Variants in KIAA0232 observed in about 807,000 individuals in gnomAD.
KIAA0232 encodes uncharacterized protein KIAA0232.
Under a neutral mutation model 122.0 loss-of-function variants are expected in KIAA0232, and 27 were observed. That is an observed-to-expected ratio of 0.22 (90% confidence interval 0.16 to 0.31). The LOEUF (loss-of-function observed/expected upper bound fraction) is 0.31. Ranked by LOEUF, KIAA0232 falls within the 10% of genes least tolerant of loss-of-function variation. KIAA0232 has a pLI of 1.00. For synonymous variants in KIAA0232, 613 were observed against 587.6 expected (o/e 1.04, Z -0.63); for missense variants, 1,551 against 1,634.2 (o/e 0.95, Z 0.88).
intron 1 of KIAA0232, among the ~76,000 whole-genome samples, chr4:6,799,753 G>T (rs569012816): frequency 1.1e-4 from 16 of 152,070 alleles, no homozygotes; most frequent in Non-Finnish European, 1.8e-4. Flanking sequence ...GGAGTGAAGT[G>T]GCACAATCTC....
chr4:6,793,306 A>G (rs1716988352), intron 1 of KIAA0232, among the ~76,000 whole-genome samples: 1 of 152,246 alleles, frequency 6.6e-6, no homozygotes, highest in Admixed American at 6.5e-5. Context: ...ACACAGAGTC[A>G]GTATGTATTT....
In KIAA0232 at chr4:6,858,413, G is replaced by A. The variant is rs747687999; in HGVS notation, c.437-12G>A. 5.2e-6 allele frequency: 8 copies of A among 1,533,860 alleles called. No homozygotes were observed. In the Admixed American group the frequency reaches 1.6e-4, roughly 30 times the overall value. On this transcript the variant is annotated splice_polypyrimidine_tract_variant and intron_variant, in intron 5 of 9. Transcript: ENST00000307659. The stretch of plus-strand genomic sequence containing the variant: ...ATAAGACAAATCTTTCTTAATTTTT[G>A]TTTCATAACAGAAGAGAAGATTCAC...
chr4:6,838,099 A>G (rs1577386966), intron 3 of KIAA0232, among the ~76,000 whole-genome samples: 1 of 152,130 alleles, frequency 6.6e-6, no homozygotes, highest in East Asian at 1.9e-4. Flanking sequence ...TTGAGAGTCT[A>G]TGGAGCAATA....
intron 2 of KIAA0232, among the ~76,000 whole-genome samples, chr4:6,817,451 G>A (rs1169842090): frequency 1.3e-5 from 2 of 152,064 alleles, no homozygotes; most frequent in African/African-American, 2.4e-5. Context: ...TCCTGACCTC[G>A]TGATCCGCCT....
intron 4 of KIAA0232, among the ~76,000 whole-genome samples, chr4:6,854,233 C>A (rs1444341268): frequency 6.6e-6 from 1 of 152,130 alleles, no homozygotes; most frequent in Non-Finnish European, 1.5e-5. Context: ...GGATGCCTCA[C>A]ATGTGTCATG....
chr4:6,857,342 TGTGTCCA>T lies in KIAA0232; in HGVS notation c.436+117_436+123del, dbSNP rs1720620129. 204 of 835,544 alleles carry T rather than the reference TGTGTCCA, an allele frequency of 2.4e-4. 4 individuals carry two copies. The South Asian group carries it at 4.2e-3, about 17-fold the overall frequency. 51.8% of individuals were successfully genotyped at this position (835,544 alleles called of 1,614,324 possible). The stretch of plus-strand genomic sequence containing the variant: ...AAGAAAACAACCAGAACAAAGTCTT[TGTGTCCA>T]GTGTGTGTCACTAGGCCAGCCTCAT... On this transcript the variant is annotated intron_variant, in intron 5 of 9. Transcript: ENST00000307659.
At chr4:6,792,702 T>TG (rs935778829) in intron 1 of KIAA0232, among the ~76,000 whole-genome samples, 1 of 150,086 alleles carries the variant, frequency 6.7e-6, no homozygotes, top group Non-Finnish European at 1.5e-5. Context: ...TTTGTTTTTT[T>TG]TTTTTGAGAC....
intron 7 of KIAA0232, among the ~76,000 whole-genome samples, chr4:6,864,669 G>T (rs886607955): frequency 7.3e-6 from 1 of 137,460 alleles, no homozygotes; most frequent in East Asian, 2.2e-4. Flanking sequence ...AACCCGAGAG[G>T]CAAAGGTTGC....
chr4:6,832,543 T>A (rs1211472970), intron 3 of KIAA0232, among the ~76,000 whole-genome samples: 2 of 152,084 alleles, frequency 1.3e-5, no homozygotes, highest in African/African-American at 4.8e-5. Context: ...GAGATGGGGT[T>A]TCACCATGTG....
chr4:6,828,789 A>T (rs545361741), intron 3 of KIAA0232, among the ~76,000 whole-genome samples: 1 of 152,084 alleles, frequency 6.6e-6, no homozygotes, highest in East Asian at 1.9e-4. Context: ...CTTTTGCTTT[A>T]TTTCTGTCTT....
chr4:6,836,546 C>T (rs1007754142), intron 3 of KIAA0232, among the ~76,000 whole-genome samples: 1,643 of 78,600 alleles, frequency 0.021, no homozygotes, highest in Non-Finnish European at 0.026. Flanking sequence ...TTTTTCTTTT[C>T]TTTTTTTTTT....
At position 6,862,784 on chromosome 4, in the gene KIAA0232, A is replaced by T; in HGVS notation, c.2402A>T (p.Glu801Val). The T allele has an allele frequency of 6.2e-7, 1 of 1,614,144 alleles. No individual in the cohort carries two copies. The highest frequency in any genetic ancestry group is 2.2e-5 in the East Asian group (1 of 44,886). The change falls in exon 7 of 10, where the codon GAA (glutamate) becomes GTA (valine). Residue 801 changes from glutamate (E) to valine (V), a missense_variant. Transcript: ENST00000307659. Reference protein sequence around the residue: ...VCGIQLEQKTENKNFETTQVC... With the variant: ...VCGIQLEQKTVNKNFETTQVC... ...GGTATTCAGCTAGAACAAAAAACAG[A>T]AAACAAAAATTTTGAAACTACACAA...
intron 2 of KIAA0232, among the ~76,000 whole-genome samples, chr4:6,813,237 C>T (rs1717955633): frequency 6.6e-6 from 1 of 152,016 alleles, no homozygotes. Flanking sequence ...AAAACAATTC[C>T]TCACTGCTCC....
At chr4:6,796,985 C>G (rs976062376) in intron 1 of KIAA0232, among the ~76,000 whole-genome samples, 6 of 152,210 alleles carry the variant, frequency 3.9e-5, no homozygotes, top group African/African-American at 1.4e-4. Flanking sequence ...TGACAACAGT[C>G]AGTTGGAGAG....
intron 2 of KIAA0232, among the ~76,000 whole-genome samples, chr4:6,807,032 G>GTCTGTCTA (rs750617409): frequency 0.026 from 3,779 of 145,774 alleles, 68 homozygotes; most frequent in African/African-American, 0.048. Flanking sequence ...CTGTCTGTCT[G>GTCTGTCTA]TCTATCTATC....
At chr4:6,843,925 A>ATTTT (rs1491055750) in intron 4 of KIAA0232, among the ~76,000 whole-genome samples, 1 of 71,146 alleles carries the variant, frequency 1.4e-5, no homozygotes, top group Non-Finnish European at 2.8e-5. Context: ...TGAGTTACCC[A>ATTTT]TCTTTTTTTT....
intron 1 of KIAA0232, among the ~76,000 whole-genome samples, chr4:6,791,401 C>G (rs1267232871): frequency 1.5e-5 from 2 of 134,222 alleles, no homozygotes; most frequent in Non-Finnish European, 3.1e-5. Context: ...TTATGGCTCA[C>G]TGTAGCCTTG....
At chr4:6,832,935 G>T (rs1486895433) in intron 3 of KIAA0232, among the ~76,000 whole-genome samples, 3 of 152,076 alleles carry the variant, frequency 2.0e-5, no homozygotes, top group African/African-American at 7.2e-5. Context: ...AATGTAACTG[G>T]ATTATTACAT....
intron 8 of KIAA0232, among the ~76,000 whole-genome samples, chr4:6,876,037 C>T (rs994811027): frequency 3.3e-5 from 5 of 152,154 alleles, no homozygotes; most frequent in Admixed American, 6.5e-5. Context: ...CTACTGGGCT[C>T]GTTGGATTTG....
Sources: gnomAD v4.1 joint callset for allele counts (sites outside exome capture counted in the v4.1 genomes callset) on GRCh38, gnomAD v4.1.1 for gene constraint, MANE v1.5 for transcripts, NCBI Gene and HGNC (gene_info 2026-07-23, HGNC 2026-07-21) for gene names.